Variants in SPINK5 observed in about 807,000 individuals in gnomAD.
SPINK5 encodes serine peptidase inhibitor Kazal type 5.
A neutral mutation model predicts 151.8 loss-of-function variants in SPINK5; 125 were observed. The ratio of observed to expected loss-of-function variants is 0.82; its 90% CI spans 0.71 to 0.96. The LOEUF (loss-of-function observed/expected upper bound fraction) is 0.96. Among genes scored for constraint, SPINK5 ranks in the 40% least tolerant of loss-of-function variants. The pLI is 0.00. For missense variants in SPINK5, 1,194 were observed against 1,291.9 expected (o/e 0.92, Z 1.16); for synonymous variants, 374 against 395.3 (o/e 0.95, Z 0.64).
At chr5:148,101,984 T>C in intron 15 of SPINK5, 76 bp downstream of exon 15, 1 of 1,601,018 alleles carries the variant, frequency 6.2e-7, no homozygotes, top group Non-Finnish European at 8.5e-7. Context: ...CAAACCATTG[T>C]GAATAATGCA....
chr5:148,102,595 C>A (rs984013177), intron 15 of SPINK5, among the ~76,000 whole-genome samples: 27 of 151,962 alleles, frequency 1.8e-4, no homozygotes, highest in African/African-American at 6.5e-4. Context: ...GAATCATTCA[C>A]CCAGAGAAGA....
rs200808369 is a variant in SPINK5 at position 148,095,822 on chromosome 5, C to A, written c.799C>A (p.Gln267Lys). 325 of 1,611,022 alleles carry A rather than the reference C, an allele frequency of 2.0e-4. No homozygotes were observed. Among genetic ancestry groups the A allele is most frequent in the Non-Finnish European group, 2.4e-4 (284 of 1,178,154 alleles). The change falls in exon 10 of 33, where the codon CAG (glutamine) becomes AAG (lysine). Residue 267 changes from glutamine (Q) to lysine (K), a missense_variant. Transcript: ENST00000256084. ...CATTTATTTTACTTTTTCCAGCAAGCAGCGTTTTTCAGAGGAAAACAGTAA... is the reference window on the plus strand; with the variant it reads ...CATTTATTTTACTTTTTCCAGCAAGAAGCGTTTTTCAGAGGAAAACAGTAA... ...KCALCAEIFK[Q>K]RFSEENSKTD... is the part of the protein sequence containing the mutation.
chr5:148,108,977 A>G (rs1581089844), intron 18 of SPINK5, 140 bp downstream of exon 18: 2 of 1,419,522 alleles, frequency 1.4e-6, no homozygotes, highest in East Asian at 4.8e-5. Flanking sequence ...CCCATATACA[A>G]GAGTACTCCC....
intron 14 of SPINK5, 59 bp from the exon 15 acceptor site, chr5:148,101,722 T>G: frequency 6.2e-7 from 1 of 1,612,858 alleles, no homozygotes; most frequent in Non-Finnish European, 8.5e-7. Context: ...CTTTAGCTAT[T>G]TTTGCAATCT....
At chr5:148,095,579 A>G (rs1280807144) in intron 9 of SPINK5, among the ~76,000 whole-genome samples, 1 of 152,062 alleles carries the variant, frequency 6.6e-6, no homozygotes. Context: ...AAAAAGGTAG[A>G]ATTTAAGCTG....
chr5:148,104,314 C>G (rs1003050028), intron 15 of SPINK5, among the ~76,000 whole-genome samples: 1 of 152,112 alleles, frequency 6.6e-6, no homozygotes, highest in Admixed American at 6.5e-5. Flanking sequence ...GCTATACTGC[C>G]TCTCAGAAGA....
At position 148,114,272 on chromosome 5, in the gene SPINK5, T is replaced by C. The variant is rs199659820; in HGVS notation, c.1888-90T>C. On this transcript the variant is annotated intron_variant, in intron 20 of 32. Coordinates refer to ENST00000256084, the MANE Select transcript of SPINK5 (RefSeq NM_006846.4). ...AATTCTCAGGTCATTTTCTCTCTCT[T>C]TTTTTTTTTTCTATAAAGCACTTAG... The C allele has an allele frequency of 4.0e-5, 52 of 1,298,286 alleles. No homozygotes were observed. In the East Asian group the frequency reaches 5.4e-4, roughly 13 times the overall value. 80.4% of individuals were successfully genotyped at this position (1,298,286 alleles called of 1,614,324 possible).
At chr5:148,127,346 A>G (rs1754456903) in intron 30 of SPINK5, among the ~76,000 whole-genome samples, 1 of 152,144 alleles carries the variant, frequency 6.6e-6, no homozygotes, top group Admixed American at 6.5e-5. Flanking sequence ...AATAATTGTG[A>G]CTAATTTCAC....
chr5:148,110,045 G>A (rs1267992597), intron 18 of SPINK5, among the ~76,000 whole-genome samples: 1 of 152,098 alleles, frequency 6.6e-6, no homozygotes, highest in East Asian at 1.9e-4. Flanking sequence ...TAAAAAACTG[G>A]ACTCTAGGCT....
At chr5:148,075,389 T>C (rs1752851692) in intron 4 of SPINK5, among the ~76,000 whole-genome samples, 1 of 151,196 alleles carries the variant, frequency 6.6e-6, no homozygotes, top group Admixed American at 6.6e-5. Flanking sequence ...TATTAAACTA[T>C]TATTATTTTC....
intron 2 of SPINK5, among the ~76,000 whole-genome samples, chr5:148,069,913 A>G (rs1220329842): frequency 6.6e-6 from 1 of 152,114 alleles, no homozygotes; most frequent in Non-Finnish European, 1.5e-5. Context: ...CAGTACAGCC[A>G]TGGGGAAATG....
chr5:148,125,530 T>C (rs190012161), intron 28 of SPINK5, 193 bp from the exon 29 acceptor site: 1 of 1,613,788 alleles, frequency 6.2e-7, no homozygotes, highest in Non-Finnish European at 8.5e-7. Flanking sequence ...TCAGGACCAG[T>C]GCAGACAGGT....
At chr5:148,078,533 C>T (rs986803731) in intron 4 of SPINK5, among the ~76,000 whole-genome samples, 7 of 150,636 alleles carry the variant, frequency 4.6e-5, no homozygotes, top group Non-Finnish European at 8.9e-5. Context: ...ACACTATATA[C>T]TAAGGTACAA....
chr5:148,126,571 TTTTATTTATTTATTTATTTATTTA>T (rs78833989), intron 29 of SPINK5, among the ~76,000 whole-genome samples: 2 of 149,722 alleles, frequency 1.3e-5, no homozygotes, highest in African/African-American at 4.9e-5. Flanking sequence ...TGTGATTCTG[TTTTATTTATTTATTTATTTATTTA>T]TTTATTTATT....
chr5:148,090,456 T>A (rs928158501), intron 7 of SPINK5, among the ~76,000 whole-genome samples: 4 of 151,680 alleles, frequency 2.6e-5, no homozygotes, highest in African/African-American at 9.7e-5. Context: ...AGACATGTTC[T>A]CTCAATGTTC....
At chr5:148,118,389 A>G in intron 22 of SPINK5, 48 bp from the exon 23 acceptor site, 1 of 1,612,834 alleles carries the variant, frequency 6.2e-7, no homozygotes, top group Non-Finnish European at 8.5e-7. Context: ...TACTAAGAAT[A>G]CAGTAGACTA....
chr5:148,117,769 G>A (rs1754134223), intron 22 of SPINK5, among the ~76,000 whole-genome samples: 1 of 152,136 alleles, frequency 6.6e-6, no homozygotes. Flanking sequence ...GAGTTGTACA[G>A]GGCCAACTGA....
chr5:148,116,258 A>G (rs1420556816), intron 21 of SPINK5, 112 bp from the exon 22 acceptor site: 6 of 1,083,892 alleles, frequency 5.5e-6, no homozygotes, highest in African/African-American at 4.7e-5. Flanking sequence ...TGTTAACTCA[A>G]TGCTCGATAA....
At chr5:148,107,290 G>C in intron 17 of SPINK5, 126 bp downstream of exon 17, 2 of 1,291,828 alleles carry the variant, frequency 1.5e-6, no homozygotes, top group Non-Finnish European at 2.2e-6. Context: ...ACAAGCAGAT[G>C]GATAAGACAT....
Sources: gnomAD v4.1 joint callset for allele counts (sites outside exome capture counted in the v4.1 genomes callset) on GRCh38, gnomAD v4.1.1 for gene constraint, MANE v1.5 for transcripts, NCBI Gene and HGNC (gene_info 2026-07-23, HGNC 2026-07-21) for gene names.